The following NLRC5 variants were observed in gnomAD, a reference collection of about 807,000 sequenced individuals.
NLRC5 encodes protein NLRC5.
In NLRC5, 114 loss-of-function variants were observed where a neutral mutation model predicts 206.9. The ratio of observed to expected loss-of-function variants is 0.55; its 90% CI spans 0.47 to 0.64. The LOEUF is 0.64. Among genes scored for constraint, NLRC5 ranks in the 30% least tolerant of loss-of-function variants. The probability of loss-of-function intolerance (pLI) is 0.00; values close to 1 mark genes in which losing one functional copy is unlikely to be tolerated. For missense variants in NLRC5, 2,008 were observed against 2,305.5 expected, an observed-to-expected ratio of 0.87 and a Z score of 2.64; for synonymous variants, 952 against 962.8, an observed-to-expected ratio of 0.99 and a Z score of 0.21.
intron 39 of NLRC5, among the ~76,000 whole-genome samples, chr16:57,074,934 A>G (rs1224261447): frequency 1.3e-5 from 2 of 148,228 alleles, no homozygotes; most frequent in African/African-American, 2.5e-5. Flanking sequence ...AGGCACACAC[A>G]CAGTTCACCC....
chr16:57,061,797 T>C (rs895454948), intron 32 of NLRC5, 96 bp downstream of exon 32: 1 of 1,544,300 alleles, frequency 6.5e-7, no homozygotes, highest in African/African-American at 1.4e-5. Flanking sequence ...ATGGCCCCAG[T>C]CATTTCCTGT....
intron 24 of NLRC5, among the ~76,000 whole-genome samples, chr16:57,053,584 A>G (rs2065213972): frequency 6.6e-6 from 1 of 152,136 alleles, no homozygotes; most frequent in African/African-American, 2.4e-5. Flanking sequence ...GCTGGAGTGC[A>G]ATGGCGCAAT....
In NLRC5 at chr16:57,040,710, A is replaced by G. The variant is rs2063172183; in HGVS notation, c.2931A>G (p.Arg977=). Residue 977 remains arginine, a synonymous_variant, in exon 17 of 49, where the codon CGA becomes CGG. Transcript: ENST00000688547. The part of the protein sequence containing the change: ...QMPSELPLSS[R]RMRLTHCGLQ... ...CCTCTGAGCTGCCTCTGAGCTCCCGAAGGATGAGGTACAGTGATGGCCTCC... is the reference window on the plus strand; with the variant it reads ...CCTCTGAGCTGCCTCTGAGCTCCCGGAGGATGAGGTACAGTGATGGCCTCC... The G allele has an allele frequency of 1.2e-6, 2 of 1,613,990 alleles. No individual in the cohort carries two copies. The highest frequency in any genetic ancestry group is 1.3e-5 in the African/African-American group (1 of 74,974).
chr16:57,067,476 C>A lies in NLRC5; in HGVS notation c.4406+6C>A, dbSNP rs372896400. ...GCCAGGCTGCAGCAGCTCAGGTCAG[C>A]GCCTGGAAACTCTGTGTGGGGCCCT... On this transcript the variant is annotated splice_donor_region_variant and intron_variant, in intron 35 of 48. Transcript: ENST00000688547. 2 of 1,613,860 alleles carry A rather than the reference C, an allele frequency of 1.2e-6. No homozygotes were observed. Among genetic ancestry groups the A allele is most frequent in the Non-Finnish European group, 1.7e-6 (2 of 1,179,770 alleles).
intron 36 of NLRC5, among the ~76,000 whole-genome samples, chr16:57,068,383 A>G (rs1211089347): frequency 6.6e-6 from 1 of 151,090 alleles, no homozygotes; most frequent in African/African-American, 2.4e-5. Context: ...GTGAGCCAAG[A>G]TTGTGCCACT....
At chr16:57,003,032 TC>T (rs1185061326) in intron 1 of NLRC5, among the ~76,000 whole-genome samples, 2 of 148,664 alleles carry the variant, frequency 1.3e-5, no homozygotes, top group Non-Finnish European at 3.0e-5. Context: ...CTCCCTTTTC[TC>T]CACATAGATT....
At chr16:57,071,018 GCGTT>G (rs2067643210) in intron 38 of NLRC5, among the ~76,000 whole-genome samples, 2 of 52,658 alleles carry the variant, frequency 3.8e-5, no homozygotes, top group African/African-American at 5.5e-5. Context: ...GTGAGTGGTG[GCGTT>G]GGTTAATGGG....
rs1190531802 is a variant in NLRC5, at chr16:57,026,877, C to A, written c.1934C>A (p.Pro645Gln). 33 of 1,614,226 alleles carry A rather than the reference C, an allele frequency of 2.0e-5. No homozygotes were observed. The highest frequency in any genetic ancestry group is 2.8e-5 in the Non-Finnish European group (33 of 1,180,046). The change falls in exon 6 of 49, where the codon CCA becomes CAA. Residue 645 changes from proline (P) to glutamine (Q), a missense_variant. Physicochemically the swap from Pro to Gln is moderately conservative, Grantham distance 76. Transcript: ENST00000688547. ...TATCAACTGCCCTTCCACAATTTCC[C>A]ACTGACCTGCACCGACCTGGCCACC... ...LPYQLPFHNF[P>Q]LTCTDLATLT...
Position 57,079,105 on chromosome 16 carries a change from G to T in NLRC5, c.5137G>T (p.Asp1713Tyr). The T allele has an allele frequency of 6.2e-7, 1 of 1,614,174 alleles. No homozygotes were observed. ...GGCCCTGAGCCTGGCCCAGGCCCTG[G>T]ATGGATCCCCCCATTTGGAAGAGAT... Reference protein sequence around the residue: ...GGALSLAQALDGSPHLEEISL... With the variant: ...GGALSLAQALYGSPHLEEISL... The change falls in exon 44 of 49, where the codon GAT becomes TAT. Residue 1713 changes from aspartate (D) to tyrosine (Y), a missense_variant. By Grantham distance (160) the Asp-to-Tyr change is radical. Transcript: ENST00000688547.
At chr16:57,065,409 T>C (rs56269236) in intron 33 of NLRC5, 111 bp downstream of exon 33, 40,551 of 676,120 alleles carry the variant, frequency 0.06, 1,650 homozygotes, top group African/African-American at 0.13. Context: ...CCAGCTAGTT[T>C]TCCATGTCCC....
chr16:57,046,190 G>A (rs2063947026), intron 21 of NLRC5, among the ~76,000 whole-genome samples: 2 of 152,196 alleles, frequency 1.3e-5, no homozygotes, highest in African/African-American at 2.4e-5. Context: ...GGTTCTTGAG[G>A]CCCAAAGAAC....
rs1417809945 is a variant in NLRC5, at chr16:57,061,657, C to A, written c.4110C>A (p.Ile1370=). 1.9e-6 allele frequency: 3 copies of A among 1,610,182 alleles called. No homozygotes were observed. The Admixed American group carries it at 5.0e-5, about 27-fold the overall frequency. The change falls in exon 32 of 49, where the codon ATC becomes ATA. Residue 1370 remains isoleucine (I), a synonymous_variant. Coordinates refer to ENST00000688547, the MANE Select transcript of NLRC5 (RefSeq NM_001384950.1). The part of the protein sequence containing the change: ...QCCLGQKQLA[I]LLSLVGRPAG... The stretch of plus-strand genomic sequence containing the variant: ...GCCTGGGCCAGAAGCAGCTGGCCAT[C>A]CTCCTGAGCTTGGTGGGGCGACCCG...
At chr16:57,046,677 T>C in intron 22 of NLRC5, 36 bp downstream of exon 22, 1 of 1,571,024 alleles carries the variant, frequency 6.4e-7, no homozygotes, top group Non-Finnish European at 8.7e-7. Flanking sequence ...GGGGTAACCA[T>C]AATAGGGATG....
chr16:57,060,312 C>A (rs1463523440), intron 30 of NLRC5, among the ~76,000 whole-genome samples: 1 of 151,852 alleles, frequency 6.6e-6, no homozygotes, highest in Non-Finnish European at 1.5e-5. Context: ...TTCTCCCTCA[C>A]AGTCTGATCC....
At chr16:57,077,437 T>C in intron 41 of NLRC5, 58 bp downstream of exon 41, 3 of 1,472,544 alleles carry the variant, frequency 2.0e-6, no homozygotes, top group East Asian at 4.6e-5. Flanking sequence ...TCCTAGGAGA[T>C]ACTGGCCCCT....
At chr16:57,059,347 A>G in intron 29 of NLRC5, 120 bp from the exon 30 acceptor site, 1 of 1,492,918 alleles carries the variant, frequency 6.7e-7, no homozygotes, top group East Asian at 2.5e-5. Context: ...TGAGGCCTCC[A>G]TCCTCCCTTG....
chr16:57,028,450 C>T (rs2061471132), intron 8 of NLRC5, 65 bp downstream of exon 8: 1 of 1,284,944 alleles, frequency 7.8e-7, no homozygotes, highest in Admixed American at 1.7e-5. Flanking sequence ...CCCAGAGTCC[C>T]CCTGGGGCCT....
chr16:57,078,941 T>C (rs1298070311), intron 43 of NLRC5, 109 bp from the exon 44 acceptor site: 2 of 981,990 alleles, frequency 2.0e-6, no homozygotes, highest in African/African-American at 1.6e-5. Flanking sequence ...GATGGGGAAT[T>C]AGCCAGAGAC....
At chr16:56,998,052 G>A (rs962560079) in intron 1 of NLRC5, among the ~76,000 whole-genome samples, 13 of 152,082 alleles carry the variant, frequency 8.5e-5, no homozygotes, top group Non-Finnish European at 1.6e-4. Context: ...GGCTCTAGCC[G>A]TCTAGCCCCT....
Sources: gnomAD v4.1 joint callset for allele counts (sites outside exome capture counted in the v4.1 genomes callset) on GRCh38, gnomAD v4.1.1 for gene constraint, MANE v1.5 for transcripts, NCBI Gene and HGNC (gene_info 2026-07-23, HGNC 2026-07-21) for gene names.